Variants in RCOR3 observed in about 807,000 individuals in gnomAD.
RCOR3 encodes REST corepressor 3.
A neutral mutation model predicts 64.1 loss-of-function variants in RCOR3; 13 were observed. The observed-to-expected ratio is 0.20, with a 90% CI of 0.13 to 0.32. The LOEUF (loss-of-function observed/expected upper bound fraction) is 0.32, where lower values mean the gene tolerates loss of function less well. Ranked by LOEUF, RCOR3 falls within the 10% of genes least tolerant of loss-of-function variation. The pLI is 1.00. For missense variants in RCOR3, 489 were observed against 701.2 expected (o/e 0.70, Z 3.42); for synonymous variants, 215 against 239.0 (o/e 0.90, Z 0.93).
chr1:211,263,164 T>A (rs1374248396), intron 2 of RCOR3, among the ~76,000 whole-genome samples: 2 of 151,612 alleles, frequency 1.3e-5, no homozygotes, highest in East Asian at 3.9e-4. Context: ...AGAATGATGA[T>A]TTCCAATTTC....
At position 211,272,638 on chromosome 1, in the gene RCOR3, T is replaced by TTTC. The variant is rs1298632683; in HGVS notation, c.301+1330_301+1331insTCT. ...TTTTTTTTTTTTTTTTTTTTTTTTT[T>TTTC]TGAGACGGAGTCTCGCTCTGTCGCC... On this transcript the variant is annotated intron_variant, in intron 3 of 11. Transcript: ENST00000419091. Among the ~76,000 whole-genome samples, 475 of 134,160 alleles carry TTTC rather than the reference T, an allele frequency of 3.5e-3. 36 individuals carry two copies. The highest frequency in any genetic ancestry group is 0.013 in the African/African-American group (450 of 35,390). The allele number at this position is 134,160 out of a possible 152,430, so 88.0% of individuals were successfully genotyped here.
chr1:211,274,854 TATCTC>T (rs1323295629), intron 4 of RCOR3, among the ~76,000 whole-genome samples: 1 of 151,842 alleles, frequency 6.6e-6, no homozygotes, highest in East Asian at 1.9e-4. Context: ...ATCAAGAAAT[TATCTC>T]AATATTTTAC....
At chr1:211,260,330 C>A (rs6679980) in intron 2 of RCOR3, among the ~76,000 whole-genome samples, 166 bp downstream of exon 2, 3 of 152,180 alleles carry the variant, frequency 2.0e-5, no homozygotes, top group East Asian at 3.9e-4. Context: ...TGACACTGGG[C>A]GTGTGGGCAG....
rs1698663568 is a variant in RCOR3 at position 211,287,270 on chromosome 1, A to C, written c.721-1908A>C. 3.9e-5 allele frequency among the ~76,000 whole-genome samples: 6 copies of C among 151,990 alleles called. 1 individual carries two copies. In the South Asian group the frequency reaches 1.2e-3, roughly 32 times the overall value. On this transcript the variant is annotated intron_variant, in intron 7 of 11. Transcript: ENST00000419091. Reference sequence around the variant, plus strand: ...AGCAGGAGTGTTTTTTTCCTACTTCACAAAGTGATGGAGTTCCCCTTTTAG... The same window carrying C: ...AGCAGGAGTGTTTTTTTCCTACTTCCCAAAGTGATGGAGTTCCCCTTTTAG...
At chr1:211,269,586 A>G (rs1695804344) in intron 2 of RCOR3, among the ~76,000 whole-genome samples, 2 of 152,100 alleles carry the variant, frequency 1.3e-5, no homozygotes, top group South Asian at 2.1e-4. Context: ...AACAAGAGTG[A>G]AACTTCATCT....
intron 4 of RCOR3, 121 bp from the exon 5 acceptor site, chr1:211,276,136 G>C (rs1178292167): frequency 4.4e-6 from 4 of 911,472 alleles, no homozygotes; most frequent in Non-Finnish European, 6.7e-6. Context: ...GTCCCAAACT[G>C]TGAGTCTATC....
chr1:211,297,567 A>C (rs938080425), intron 9 of RCOR3, among the ~76,000 whole-genome samples: 1 of 152,178 alleles, frequency 6.6e-6, no homozygotes, highest in Non-Finnish European at 1.5e-5. Context: ...AAGTTATCAG[A>C]TATTTATTGT....
At chr1:211,270,473 A>T (rs994676145) in intron 2 of RCOR3, among the ~76,000 whole-genome samples, 4 of 152,210 alleles carry the variant, frequency 2.6e-5, no homozygotes, top group Non-Finnish European at 5.9e-5. Context: ...GACCCTTAGC[A>T]AGAAATAAAA....
At chr1:211,294,332 C>CCATTTT (rs1365073039) in intron 8 of RCOR3, among the ~76,000 whole-genome samples, 10 of 152,044 alleles carry the variant, frequency 6.6e-5, no homozygotes, top group Admixed American at 6.6e-4. Context: ...CAAACTACAA[C>CCATTTT]CATTTTGACT....
At chr1:211,283,350 A>G (rs1486090903) in intron 7 of RCOR3, among the ~76,000 whole-genome samples, 1 of 152,246 alleles carries the variant, frequency 6.6e-6, no homozygotes, top group Non-Finnish European at 1.5e-5. Flanking sequence ...TTACTGAGTA[A>G]CAGGGTCCCA....
intron 8 of RCOR3, among the ~76,000 whole-genome samples, chr1:211,295,192 G>T (rs956515045): frequency 6.6e-6 from 1 of 151,836 alleles, no homozygotes; most frequent in Admixed American, 6.6e-5. Context: ...TATTTATCAT[G>T]TTATAGCAGA....
chr1:211,283,751 C>T (rs560543650), intron 7 of RCOR3, among the ~76,000 whole-genome samples: 21 of 151,760 alleles, frequency 1.4e-4, no homozygotes, highest in African/African-American at 4.6e-4. Flanking sequence ...TCAAATGATC[C>T]GCCTGCTTCA....
At chr1:211,283,808 T>C (rs1393230537) in intron 7 of RCOR3, among the ~76,000 whole-genome samples, 1 of 139,358 alleles carries the variant, frequency 7.2e-6, no homozygotes, top group Non-Finnish European at 1.6e-5. Flanking sequence ...CATGCCTGGC[T>C]TGTATTTTTT....
In RCOR3 at chr1:211,259,478, C is replaced by T; in HGVS notation, c.-83C>T. On this transcript the variant is annotated 5_prime_UTR_variant, in exon 1 of 12. Transcript: ENST00000419091. ...CCGTCTCCTCCTCCTCCTCCTTTCC[C>T]TCCCGCCCGCGCTCTAAGCCATCTC... The T allele has an allele frequency of 2.1e-6, 3 of 1,411,374 alleles. No homozygotes were observed. The highest frequency in any genetic ancestry group is 1.3e-5 in the South Asian group (1 of 76,532). The allele number at this position is 1,411,374 out of a possible 1,614,324, so 87.4% of individuals were successfully genotyped here.
chr1:211,313,712 C>A lies in RCOR3; in HGVS notation c.1606C>A (p.Gln536Lys). Residue 536 changes from glutamine to lysine, a missense_variant, in exon 12 of 12, where the codon CAA (glutamine) becomes AAA (lysine). Transcript: ENST00000419091. The surrounding 1 kb of genome is among the most constrained non-coding windows in gnomAD (Gnocchi z 4.7). Reference protein sequence around the residue: ...PRPVLSTVGGQQPPSLIGIQT... With the variant: ...PRPVLSTVGGKQPPSLIGIQT... ...ACCGGTGTTGTCCACGGTTGGTGGT[C>A]AACAGCCACCATCACTTATTGGAAT... is the stretch of plus-strand genomic sequence containing the variant. The A allele has an allele frequency of 6.2e-7, 1 of 1,614,192 alleles. No individual in the cohort carries two copies. The highest frequency in any genetic ancestry group is 1.1e-5 in the South Asian group (1 of 91,072).
At chr1:211,284,227 TTTTG>T (rs886423144) in intron 7 of RCOR3, among the ~76,000 whole-genome samples, 28 of 151,380 alleles carry the variant, frequency 1.8e-4, no homozygotes, top group East Asian at 3.9e-4. Context: ...CTAATTGTTT[TTTTG>T]TTTGTTTGTT....
At position 211,316,093 on chromosome 1, in the gene RCOR3, A is replaced by G. The variant is rs1214350179; in HGVS notation, c.*2325A>G. On this transcript the variant is annotated 3_prime_UTR_variant, in exon 12 of 12. Transcript: ENST00000419091. ...CCTCTTCACTGTGAAATTCGAAATA[A>G]TGATTTTTATAAAAGCAAAACTAGA... is the stretch of plus-strand genomic sequence containing the variant. 1 of 152,198 alleles carries G rather than the reference A, an allele frequency of 6.6e-6. No homozygotes were observed. Among genetic ancestry groups the G allele is most frequent in the Non-Finnish European group, 1.5e-5 (1 of 68,034 alleles). 9.4% of individuals were successfully genotyped at this position (152,198 alleles called of 1,614,324 possible).
intron 2 of RCOR3, among the ~76,000 whole-genome samples, chr1:211,266,438 T>A (rs1224192119): frequency 1.3e-5 from 2 of 152,196 alleles, no homozygotes; most frequent in Non-Finnish European, 2.9e-5. Flanking sequence ...TTAAAAGATC[T>A]AATAATTTCA....
intron 4 of RCOR3, 148 bp from the exon 5 acceptor site, chr1:211,276,109 A>G (rs10732682): frequency 0.97 from 627,542 of 645,442 alleles, 305,240 homozygotes; most frequent in East Asian, 1. Flanking sequence ...CTGCTACCTG[A>G]GCGCCCCTGA....
Sources: gnomAD v4.1 joint callset for allele counts (sites outside exome capture counted in the v4.1 genomes callset) on GRCh38, gnomAD v4.1.1 for gene constraint, Gnocchi (gnomAD v3.1) non-coding constraint, MANE v1.5 for transcripts, NCBI Gene and HGNC (gene_info 2026-07-23, HGNC 2026-07-21) for gene names.